ST3GAL1: variants seen among roughly 807,000 people sequenced by gnomAD.
ST3GAL1 encodes the protein ST3 beta-galactoside alpha-2,3-sialyltransferase 1, also known as CMP-N-acetylneuraminate-beta-galactosamide-alpha-2,3-sialyltransferase 1.
In ST3GAL1, 16 loss-of-function variants were observed where a neutral mutation model predicts 34.1. That is an observed-to-expected ratio of 0.47 (90% CI 0.32 to 0.71). The LOEUF (loss-of-function observed/expected upper bound fraction) is 0.71. Ranked by LOEUF, ST3GAL1 falls within the 30% of genes least tolerant of loss-of-function variation. The pLI, the probability that ST3GAL1 is intolerant of heterozygous loss-of-function variation, is 0.04. For missense variants in ST3GAL1, 353 were observed against 447.4 expected (o/e 0.79, Z 1.90); for synonymous variants, 191 against 184.7 (o/e 1.03, Z -0.28).
rs541517960 is a variant in ST3GAL1 at position 133,467,805 on chromosome 8, G to C, written c.307-1715C>G. Reference sequence around the variant, plus strand: ...AGTCCCCACTGCAATGGAAGGAATCGGATGCCCCAAGGGGAGGCACACAAG... The same window carrying C: ...AGTCCCCACTGCAATGGAAGGAATCCGATGCCCCAAGGGGAGGCACACAAG... On this transcript the variant is annotated intron_variant, in intron 5 of 9. Coordinates refer to ENST00000522652, the MANE Select transcript of ST3GAL1 (RefSeq NM_173344.3). This position sits in a 1 kb window ranked among gnomAD's most constrained non-coding sequence, Gnocchi z 4.2. 1.3e-5 allele frequency among the ~76,000 whole-genome samples: 2 copies of C among 152,098 alleles called. No individual in the cohort carries two copies. Among genetic ancestry groups the C allele is most frequent in the Non-Finnish European group, 2.9e-5 (2 of 68,028 alleles).
rs1441278139 is a variant in ST3GAL1, at chr8:133,461,917, G to A, written c.807C>T (p.Thr269=). 6.8e-6 allele frequency: 11 copies of A among 1,614,186 alleles called. No homozygotes were observed. Among genetic ancestry groups the A allele is most frequent in the East Asian group, 2.2e-5 (1 of 44,876 alleles). The change falls in exon 9 of 10, where the codon ACC becomes ACT. Residue 269 remains threonine (T), a synonymous_variant. Transcript: ENST00000522652. The surrounding 1 kb of genome is among the most constrained non-coding windows in gnomAD (Gnocchi z 4.7). The stretch of plus-strand genomic sequence containing the variant: ...TTGAGAAGATGACCGAGAGGATGCC[G>A]GTAGATGGGTATCGCCCGTGCCCTT... ...WLQGHGRYPS[T]GILSVIFSMH...
chr8:133,554,734 T>C (rs1244191356), intron 1 of ST3GAL1, among the ~76,000 whole-genome samples: 3 of 150,460 alleles, frequency 2.0e-5, no homozygotes, highest in East Asian at 1.9e-4. Context: ...TCTTTTCTTT[T>C]TTTTTTTTTT....
At chr8:133,505,098 G>A (rs560085615) in intron 2 of ST3GAL1, among the ~76,000 whole-genome samples, 3 of 152,286 alleles carry the variant, frequency 2.0e-5, no homozygotes, top group African/African-American at 7.2e-5. Context: ...TGGAGTTGCA[G>A]TATCCAATGC....
chr8:133,522,159 T>C (rs1817831152), intron 2 of ST3GAL1, among the ~76,000 whole-genome samples: 1 of 152,174 alleles, frequency 6.6e-6, no homozygotes, highest in South Asian at 2.1e-4. Flanking sequence ...CATCTAAGAT[T>C]TAAAATTCTA....
chr8:133,473,780 G>T (rs1816055891), intron 5 of ST3GAL1, among the ~76,000 whole-genome samples: 1 of 152,224 alleles, frequency 6.6e-6, no homozygotes, highest in African/African-American at 2.4e-5. Flanking sequence ...CTAGCATTTA[G>T]TAGGTAGAGA....
chr8:133,513,549 C>T (rs1817556305), intron 2 of ST3GAL1, among the ~76,000 whole-genome samples: 1 of 152,188 alleles, frequency 6.6e-6, no homozygotes, highest in Non-Finnish European at 1.5e-5. Flanking sequence ...ACAGATGGTA[C>T]TGAGATGGCA....
At chr8:133,549,595 G>A (rs1818781610) in intron 1 of ST3GAL1, among the ~76,000 whole-genome samples, 1 of 152,130 alleles carries the variant, frequency 6.6e-6, no homozygotes, top group African/African-American at 2.4e-5. Flanking sequence ...AGTTGGCTTT[G>A]AAAAAAATAA....
At chr8:133,502,421 C>G (rs1184376088) in intron 2 of ST3GAL1, among the ~76,000 whole-genome samples, 1 of 109,442 alleles carries the variant, frequency 9.1e-6, no homozygotes, top group Non-Finnish European at 1.9e-5. Flanking sequence ...GAATTGATGT[C>G]CTTATAAAAA....
intron 2 of ST3GAL1, among the ~76,000 whole-genome samples, chr8:133,521,627 G>A (rs1817812957): frequency 6.6e-6 from 1 of 152,256 alleles, no homozygotes; most frequent in Non-Finnish European, 1.5e-5. Context: ...GCAAAATGTA[G>A]AGAGCTCCTC....
chr8:133,468,788 C>A (rs897991992), intron 5 of ST3GAL1, among the ~76,000 whole-genome samples: 1 of 152,130 alleles, frequency 6.6e-6, no homozygotes, highest in Non-Finnish European at 1.5e-5. Flanking sequence ...AAGCTGGCCC[C>A]GAAATCCTGC....
chr8:133,468,043 G>A (rs368197801), intron 5 of ST3GAL1, among the ~76,000 whole-genome samples: 20 of 152,214 alleles, frequency 1.3e-4, no homozygotes, highest in South Asian at 4.1e-4. Context: ...CCGTGCAGCC[G>A]AGGTAAAAAC....
At position 133,571,573 on chromosome 8, in the gene ST3GAL1, C is replaced by G. The variant is rs1295798649; in HGVS notation, c.-582+120G>C. On this transcript the variant is annotated intron_variant, in intron 1 of 9. Coordinates refer to ENST00000522652, the MANE Select transcript of ST3GAL1 (RefSeq NM_173344.3). The surrounding 1 kb of genome is among the most constrained non-coding windows in gnomAD (Gnocchi z 6.7). ...AGTCCCCTCCCCACCCCTTCAGTTC[C>G]CGGGTCCAGACAATCAACCTTCCAC... is the stretch of plus-strand genomic sequence containing the variant. 1.3e-5 allele frequency: 2 copies of G among 152,462 alleles called. No individual in the cohort carries two copies. The highest frequency in any genetic ancestry group is 1.3e-4 in the Admixed American group (2 of 15,284). The allele number at this position is 152,462 out of a possible 1,614,324, so 9.4% of individuals were successfully genotyped here.
chr8:133,546,773 C>T (rs1195058057), intron 1 of ST3GAL1, among the ~76,000 whole-genome samples: 3 of 151,896 alleles, frequency 2.0e-5, no homozygotes, highest in African/African-American at 7.3e-5. Context: ...CCAAGGTGGG[C>T]GGATCACTTG....
chr8:133,514,193 C>A (rs189743297), intron 2 of ST3GAL1, among the ~76,000 whole-genome samples: 51 of 152,326 alleles, frequency 3.3e-4, no homozygotes, highest in Non-Finnish European at 4.4e-5. Flanking sequence ...GTGACACAGA[C>A]AACAAAGGTA....
intron 1 of ST3GAL1, among the ~76,000 whole-genome samples, chr8:133,561,252 G>C (rs1819213764): frequency 1.3e-5 from 2 of 151,528 alleles, no homozygotes; most frequent in Non-Finnish European, 2.9e-5. Context: ...CATCTCCTTA[G>C]AAGCTGATTT....
intron 2 of ST3GAL1, among the ~76,000 whole-genome samples, chr8:133,520,249 G>C (rs1817762650): frequency 6.6e-6 from 1 of 152,200 alleles, no homozygotes; most frequent in Non-Finnish European, 1.5e-5. Flanking sequence ...AGAGAGGCTG[G>C]AGCCGGGGAC....
Position 133,556,018 on chromosome 8 carries a change from C to G in ST3GAL1, c.-581-10092G>C, listed in dbSNP as rs561008302. Among the ~76,000 whole-genome samples, 1 of 152,084 alleles carries G rather than the reference C, an allele frequency of 6.6e-6. No individual in the cohort carries two copies. The highest frequency in any genetic ancestry group is 1.5e-5 in the Non-Finnish European group (1 of 67,990). On this transcript the variant is annotated intron_variant, in intron 1 of 9. Transcript: ENST00000522652. This position sits in a 1 kb window ranked among gnomAD's most constrained non-coding sequence, Gnocchi z 8.9. ...AAGCAATTCTCGTGCCTCAGCCTCCCGCGTAGCTGGGATTACAGGCACCTG... is the reference window on the plus strand; with the variant it reads ...AAGCAATTCTCGTGCCTCAGCCTCCGGCGTAGCTGGGATTACAGGCACCTG...
chr8:133,477,879 G>C (rs973531205), intron 3 of ST3GAL1, among the ~76,000 whole-genome samples: 1 of 152,098 alleles, frequency 6.6e-6, no homozygotes, highest in African/African-American at 2.4e-5. Flanking sequence ...AGGAAAATTA[G>C]AGTTGAAAGG....
At chr8:133,525,701 G>T (rs1817952764) in intron 2 of ST3GAL1, among the ~76,000 whole-genome samples, 1 of 152,192 alleles carries the variant, frequency 6.6e-6, no homozygotes, top group African/African-American at 2.4e-5. Context: ...AAGTCTGGAG[G>T]GGGCCAAGAT....
Sources: gnomAD v4.1 joint callset for allele counts (sites outside exome capture counted in the v4.1 genomes callset) on GRCh38, gnomAD v4.1.1 for gene constraint, Gnocchi (gnomAD v3.1) non-coding constraint, MANE v1.5 for transcripts, NCBI Gene and HGNC (gene_info 2026-07-23, HGNC 2026-07-21) for gene names.